SCUBE2: variants seen among roughly 807,000 people sequenced by gnomAD.
The protein encoded by SCUBE2 is signal peptide, CUB domain and EGF like domain containing 2.
In SCUBE2, 114 loss-of-function variants were observed where a neutral mutation model predicts 125.9. The ratio of observed to expected loss-of-function variants is 0.91; its 90% CI spans 0.78 to 1.06. The LOEUF is 1.06. SCUBE2 is among the 50% of genes least tolerant of loss of function. The pLI is 0.00. For missense variants in SCUBE2, 1,255 were observed against 1,301.8 expected (o/e 0.96, Z 0.55); for synonymous variants, 459 against 492.9 (o/e 0.93, Z 0.91).
At chr11:9,058,670 C>T (rs1470281004) in intron 9 of SCUBE2, among the ~76,000 whole-genome samples, 1 of 147,326 alleles carries the variant, frequency 6.8e-6, no homozygotes, top group African/African-American at 2.5e-5. Context: ...TGCCTGTAAT[C>T]CCAGCTACTC....
chr11:9,034,802 G>A (rs1230518500), intron 16 of SCUBE2, among the ~76,000 whole-genome samples: 1 of 149,620 alleles, frequency 6.7e-6, no homozygotes, highest in Non-Finnish European at 1.5e-5. Flanking sequence ...CCAACATGGA[G>A]AAACCCCGTC....
At chr11:9,052,964 A>G in intron 12 of SCUBE2, 132 bp from the exon 13 acceptor site, 1 of 1,026,392 alleles carries the variant, frequency 9.7e-7, no homozygotes, top group Non-Finnish European at 1.4e-6. Context: ...GTCTCGAAGC[A>G]TGGACCTCTC....
At chr11:9,080,804 T>G (rs1043976293) in intron 2 of SCUBE2, among the ~76,000 whole-genome samples, 2 of 152,048 alleles carry the variant, frequency 1.3e-5, no homozygotes, top group African/African-American at 4.8e-5. Flanking sequence ...ACGGTATCAT[T>G]AAGAAAATGA....
intron 4 of SCUBE2, among the ~76,000 whole-genome samples, chr11:9,070,786 G>A (rs1302833728): frequency 1.3e-5 from 2 of 152,204 alleles, no homozygotes; most frequent in African/African-American, 2.4e-5. Context: ...ACAAACAGAT[G>A]TCATTCCTAT....
At chr11:9,056,776 C>T (rs1859132285) in intron 9 of SCUBE2, among the ~76,000 whole-genome samples, 1 of 152,214 alleles carries the variant, frequency 6.6e-6, no homozygotes, top group East Asian at 1.9e-4. Flanking sequence ...ATAGTTACGA[C>T]TTGTGTCTCC....
chr11:9,030,639 T>G, intron 18 of SCUBE2, 119 bp downstream of exon 18: 1 of 1,049,172 alleles, frequency 9.5e-7, no homozygotes, highest in African/African-American at 1.6e-5. Flanking sequence ...AGCTGGGACC[T>G]GAACCCCCAG....
chr11:9,083,647 C>G (rs926629607), intron 2 of SCUBE2, among the ~76,000 whole-genome samples: 2 of 151,984 alleles, frequency 1.3e-5, no homozygotes, highest in Non-Finnish European at 1.5e-5. Flanking sequence ...CTCCGCCCCC[C>G]AGGTTCAAGC....
intron 9 of SCUBE2, among the ~76,000 whole-genome samples, chr11:9,056,672 T>C (rs1443340436): frequency 6.6e-6 from 1 of 152,110 alleles, no homozygotes; most frequent in African/African-American, 2.4e-5. Context: ...CATTTGTCCA[T>C]CTCAGCATCT....
intron 10 of SCUBE2, among the ~76,000 whole-genome samples, chr11:9,054,896 G>A (rs915306776): frequency 6.6e-6 from 1 of 150,714 alleles, no homozygotes; most frequent in African/African-American, 2.4e-5. Flanking sequence ...CACCACGCCC[G>A]GCTAATCTTG....
At chr11:9,027,323 C>G (rs771628603) in intron 20 of SCUBE2, 41 bp downstream of exon 20, 3 of 1,600,108 alleles carry the variant, frequency 1.9e-6, no homozygotes, top group Non-Finnish European at 2.6e-6. Context: ...CATCAGGCTT[C>G]CCAGCTGGCC....
intron 2 of SCUBE2, among the ~76,000 whole-genome samples, chr11:9,081,507 G>T (rs1168039846): frequency 3.9e-5 from 6 of 152,014 alleles, no homozygotes; most frequent in Non-Finnish European, 8.8e-5. Flanking sequence ...CCACCATGTT[G>T]TAGCATGTGA....
intron 10 of SCUBE2, 39 bp downstream of exon 10, chr11:9,055,754 C>T: frequency 1.3e-6 from 2 of 1,548,614 alleles, no homozygotes; most frequent in Non-Finnish European, 1.8e-6. Flanking sequence ...CAGGCCCAGC[C>T]TCATTCCCCT....
At position 9,091,234 on chromosome 11, in the gene SCUBE2, C is replaced by T. The variant is rs1031781073; in HGVS notation, c.133+162G>A. Among the ~76,000 whole-genome samples, 8 of 152,104 alleles carry T rather than the reference C, an allele frequency of 5.3e-5. No homozygotes were observed. Among genetic ancestry groups the T allele is most frequent in the Non-Finnish European group, 8.8e-5 (6 of 67,986 alleles). On this transcript the variant is annotated intron_variant, in intron 1 of 22. Transcript: ENST00000649792. The surrounding 1 kb of genome is among the most constrained non-coding windows in gnomAD (Gnocchi z 8.5). ...GGCCCCAGCGGTCGTGGCGCCTTGG[C>T]CCGGCCGGCGGGTGAGGTCCCGGGG...
intron 5 of SCUBE2, 51 bp downstream of exon 5, chr11:9,069,319 C>A: frequency 1.2e-6 from 2 of 1,604,194 alleles, no homozygotes; most frequent in Non-Finnish European, 1.7e-6. Context: ...CAGAAGGCAG[C>A]CTGTGGAATA....
intron 16 of SCUBE2, 98 bp from the exon 17 acceptor site, chr11:9,033,894 C>T (rs1856535082): frequency 2.5e-6 from 3 of 1,216,748 alleles, no homozygotes; most frequent in South Asian, 1.3e-5. Context: ...GCACTGACCA[C>T]ACCACCCACG....
chr11:9,051,322 G>A (rs749855661), intron 13 of SCUBE2, among the ~76,000 whole-genome samples: 20 of 151,996 alleles, frequency 1.3e-4, no homozygotes, highest in Non-Finnish European at 2.4e-4. Context: ...AGAACATGAA[G>A]TCATTTTTGT....
Position 9,052,676 on chromosome 11 carries a change from C to T in SCUBE2, c.1534+70G>A. 3 of 1,157,226 alleles carry T rather than the reference C, an allele frequency of 2.6e-6. No homozygotes were observed. The South Asian group carries it at 4.2e-5, about 16-fold the overall frequency. The allele number at this position is 1,157,226 out of a possible 1,614,324, so 71.7% of individuals were successfully genotyped here. ...AAAAAACAAAGCCAATGTCCAAGAA[C>T]AGCACCCCGTGAATGAAGCCCCTTG... On this transcript the variant is annotated intron_variant, in intron 13 of 22. Transcript: ENST00000649792.
chr11:9,053,094 C>T lies in SCUBE2; in HGVS notation c.1447+5G>A, dbSNP rs760261813. 3.7e-6 allele frequency: 6 copies of T among 1,609,634 alleles called. No homozygotes were observed. The highest frequency in any genetic ancestry group is 4.3e-6 in the Non-Finnish European group (5 of 1,176,024). On this transcript the variant is annotated splice_donor_5th_base_variant and intron_variant, in intron 12 of 22. Coordinates refer to ENST00000649792, the MANE Select transcript of SCUBE2 (RefSeq NM_001367977.2). ...GACCTGCCCCGGGAACTGGGCCCCACTCACCTGAAGAGAGGTGAATGCCAG... is the reference window on the plus strand; with the variant it reads ...GACCTGCCCCGGGAACTGGGCCCCATTCACCTGAAGAGAGGTGAATGCCAG...
intron 2 of SCUBE2, among the ~76,000 whole-genome samples, chr11:9,083,390 T>G (rs1030487244): frequency 6.6e-6 from 1 of 152,200 alleles, no homozygotes; most frequent in Non-Finnish European, 1.5e-5. Flanking sequence ...TATTGTACTT[T>G]AGTTAGTAAA....
Sources: allele counts gnomAD v4.1 joint callset (sites outside exome capture counted in the v4.1 genomes callset), GRCh38; gene constraint gnomAD v4.1.1; non-coding constraint Gnocchi (gnomAD v3.1); transcripts MANE v1.5; gene names NCBI Gene and HGNC (gene_info 2026-07-23, HGNC 2026-07-21).